Variants in ANO4 observed in about 807,000 individuals in gnomAD.
The protein encoded by ANO4 is anoctamin-4.
A neutral mutation model predicts 141.9 loss-of-function variants in ANO4; 69 were observed. That is an observed-to-expected ratio of 0.49 (90% CI 0.40 to 0.59). The LOEUF is 0.59. Ranked by LOEUF, ANO4 falls within the 20% of genes least tolerant of loss-of-function variation. The pLI, the probability that ANO4 is intolerant of heterozygous loss-of-function variation, is 0.00. For synonymous variants in ANO4, 350 were observed against 394.3 expected (o/e 0.89, Z 1.33); for missense variants, 894 against 1,162.2 (o/e 0.77, Z 3.36).
At chr12:100,840,242 G>A (rs1332364667) in intron 1 of ANO4, among the ~76,000 whole-genome samples, 2 of 152,266 alleles carry the variant, frequency 1.3e-5, no homozygotes, top group East Asian at 1.9e-4. Context: ...GTGTCTTTGT[G>A]TCCCAGTTTG....
At chr12:100,937,767 T>G (rs1158273409) in intron 3 of ANO4, among the ~76,000 whole-genome samples, 1 of 152,156 alleles carries the variant, frequency 6.6e-6, no homozygotes, top group Non-Finnish European at 1.5e-5. Flanking sequence ...AATCTGCTTT[T>G]TTGTCTTTTC....
chr12:100,931,196 T>C (rs1350732504), intron 3 of ANO4, among the ~76,000 whole-genome samples: 9 of 152,168 alleles, frequency 5.9e-5, no homozygotes, highest in Non-Finnish European at 1.5e-5. Flanking sequence ...AAATAGTGTT[T>C]AGTTCTTAAA....
intron 25 of ANO4, among the ~76,000 whole-genome samples, chr12:101,118,155 TAGCA>T (rs1315547258): frequency 6.6e-6 from 1 of 152,166 alleles, no homozygotes; most frequent in African/African-American, 2.4e-5. Flanking sequence ...TGAAATTATT[TAGCA>T]AGCATTGTTA....
intron 1 of ANO4, among the ~76,000 whole-genome samples, chr12:100,881,201 G>A (rs1318667610): frequency 6.6e-6 from 1 of 151,616 alleles, no homozygotes; most frequent in Non-Finnish European, 1.5e-5. Context: ...GAGTTAATGG[G>A]TACAGCACAC....
chr12:101,007,560 T>C (rs946662655), intron 8 of ANO4, among the ~76,000 whole-genome samples: 7 of 152,216 alleles, frequency 4.6e-5, no homozygotes, highest in African/African-American at 1.4e-4. Flanking sequence ...TTCAAACAGT[T>C]AGTGCTTGGC....
chr12:100,750,132 T>TTTTTTCTTTTTC (rs1433208498), intron 3 of ANO4, among the ~76,000 whole-genome samples: 1 of 151,742 alleles, frequency 6.6e-6, no homozygotes, highest in Non-Finnish European at 1.5e-5. Context: ...TTTTTTTTTC[T>TTTTTTCTTTTTC]TTTTTCTTTT....
At chr12:101,069,028 C>T in intron 14 of ANO4, 1 of 809,256 alleles carries the variant, frequency 1.2e-6, no homozygotes, top group East Asian at 2.5e-5. Flanking sequence ...GCAAAGATGT[C>T]AAGTTGGCTA....
chr12:101,037,585 A>T (rs961349280), intron 10 of ANO4, among the ~76,000 whole-genome samples: 2 of 152,204 alleles, frequency 1.3e-5, no homozygotes, highest in African/African-American at 2.4e-5. Flanking sequence ...ACAAATAAAA[A>T]TTAATAATGT....
In ANO4 at chr12:100,758,041, C is replaced by T. The variant is rs2032691187; in HGVS notation, c.358+17936C>T. Reference sequence around the variant, plus strand: ...GGCAGAAAAGATCGTGAGGATCACACCATACCCAGAAATGTCCTAAACAGG... The same window carrying T: ...GGCAGAAAAGATCGTGAGGATCACATCATACCCAGAAATGTCCTAAACAGG... On this transcript the variant is annotated intron_variant, in intron 3 of 29. Coordinates refer to the ANO4 transcript ENST00000644049. Among the ~76,000 whole-genome samples, 3 of 152,206 alleles carry T rather than the reference C, an allele frequency of 2.0e-5. No individual in the cohort carries two copies. In the South Asian group the frequency reaches 6.2e-4, roughly 32 times the overall value.
At position 100,990,873 on chromosome 12, in the gene ANO4, G is replaced by A. The variant is rs145723613; in HGVS notation, c.734+3203G>A. Among the ~76,000 whole-genome samples the A allele has an allele frequency of 3.5e-3, 529 of 152,298 alleles. 3 individuals are homozygous for A. Among genetic ancestry groups the A allele is most frequent in the African/African-American group, 0.012 (507 of 41,584 alleles). ...AACGTGTGTATAAATGAACGAAGGC[G>A]TGAAATAGGATGGAGTGTTTTGAGG... On this transcript the variant is annotated intron_variant, in intron 8 of 27. Transcript: ENST00000392977.
intron 1 of ANO4, among the ~76,000 whole-genome samples, chr12:100,844,875 G>A (rs1044268888): frequency 1.3e-5 from 2 of 152,172 alleles, no homozygotes; most frequent in Non-Finnish European, 2.9e-5. Flanking sequence ...AAGGAAGAAC[G>A]TAGAGAGAGA....
chr12:101,021,126 G>A (rs1355782039), intron 9 of ANO4, among the ~76,000 whole-genome samples: 1 of 152,206 alleles, frequency 6.6e-6, no homozygotes, highest in Non-Finnish European at 1.5e-5. Context: ...TGCTGGAAGA[G>A]GTACAGCCAT....
At chr12:100,799,996 T>G (rs950704553) in intron 1 of ANO4, among the ~76,000 whole-genome samples, 5 of 152,130 alleles carry the variant, frequency 3.3e-5, no homozygotes, top group African/African-American at 1.2e-4. Context: ...CTGGTGTCCA[T>G]TATTTCTGGG....
At chr12:100,970,663 C>CCCTCTCCT (rs372004015) in intron 5 of ANO4, among the ~76,000 whole-genome samples, 3 of 91,664 alleles carry the variant, frequency 3.3e-5, no homozygotes. Flanking sequence ...CTCCCTCCCT[C>CCCTCTCCT]TCCTTCCTTC....
chr12:101,088,530 A>AT lies in ANO4; in HGVS notation c.1701+1715dup, dbSNP rs1218681350. On this transcript the variant is annotated intron_variant, in intron 17 of 27. Coordinates refer to ENST00000392977, the MANE Select transcript of ANO4 (RefSeq NM_001286615.2). ...TTTTCTTTATTTTGTTTGTTTGTTT[A>AT]TTTTTTTTTCACTGTTGTTATTCCC... 4.9e-3 allele frequency among the ~76,000 whole-genome samples: 735 copies of AT among 149,526 alleles called. 8 individuals carry two copies. The highest frequency in any genetic ancestry group is 0.017 in the African/African-American group (693 of 40,710).
intron 24 of ANO4, among the ~76,000 whole-genome samples, chr12:101,111,984 C>T (rs1252659512): frequency 1.3e-5 from 2 of 152,136 alleles, no homozygotes; most frequent in Admixed American, 1.3e-4. Flanking sequence ...TAATCATTTT[C>T]CCCACCCCTG....
At chr12:100,751,228 T>C (rs1482591668) in intron 3 of ANO4, among the ~76,000 whole-genome samples, 1 of 152,068 alleles carries the variant, frequency 6.6e-6, no homozygotes, top group East Asian at 1.9e-4. Context: ...ACAGCATCCA[T>C]GACATCAGCT....
At chr12:100,905,765 T>C (rs548185552) in intron 2 of ANO4, among the ~76,000 whole-genome samples, 1 of 152,238 alleles carries the variant, frequency 6.6e-6, no homozygotes, top group South Asian at 2.1e-4. Context: ...AGCAGATAAT[T>C]TATGGTGTTC....
chr12:101,042,544 A>G, intron 12 of ANO4, 76 bp downstream of exon 12: 7 of 1,560,668 alleles, frequency 4.5e-6, no homozygotes, highest in Non-Finnish European at 6.1e-6. Flanking sequence ...GGGTATTCAC[A>G]GATTGTGGAG....
Sources: gnomAD v4.1 joint callset for allele counts (sites outside exome capture counted in the v4.1 genomes callset) on GRCh38, gnomAD v4.1.1 for gene constraint, MANE v1.5 for transcripts, NCBI Gene and HGNC (gene_info 2026-07-23, HGNC 2026-07-21) for gene names.